The following UNC5D variants were observed in gnomAD, a reference collection of about 807,000 sequenced individuals.
UNC5D encodes netrin receptor UNC5D.
Under a neutral mutation model 105.4 loss-of-function variants are expected in UNC5D, and 39 were observed. That is an observed-to-expected ratio of 0.37 (90% CI 0.29 to 0.48). The LOEUF (loss-of-function observed/expected upper bound fraction) is 0.48. Ranked by LOEUF, UNC5D falls within the 20% of genes least tolerant of loss-of-function variation. The pLI is 0.98. For missense variants in UNC5D, 991 were observed against 1,202.4 expected (o/e 0.82, Z 2.60); for synonymous variants, 452 against 450.4 (o/e 1.00, Z -0.04).
Position 35,568,224 on chromosome 8 carries a change from C to T in UNC5D, c.449C>T (p.Ala150Val). The change falls in exon 3 of 17, where the codon GCC becomes GTC. Residue 150 changes from alanine to valine, a missense_variant. Ala to Val is a moderately conservative substitution (Grantham distance 64). Around this residue, in one of 3 missense-constraint regions of UNC5D, gnomAD observed 944 missense variants for 1,131.6 expected, o/e 0.83. Transcript: ENST00000404895. ...CTGGGTACCTCCAAGAGCAGGAAGG[C>T]CTCTGTGCGCATAGCCTGTAAGTAC... Reference protein sequence around the residue: ...SHLGTSKSRKASVRIAYLRKN... With the variant: ...SHLGTSKSRKVSVRIAYLRKN... 6.2e-7 allele frequency: 1 copy of T among 1,614,086 alleles called. No individual in the cohort carries two copies. The highest frequency in any genetic ancestry group is 1.1e-5 in the South Asian group (1 of 91,074).
At chr8:35,366,230 C>A (rs1802117008) in intron 1 of UNC5D, among the ~76,000 whole-genome samples, 1 of 151,854 alleles carries the variant, frequency 6.6e-6, no homozygotes. Flanking sequence ...CACATAGATT[C>A]CTATTTTTTC....
chr8:35,459,136 G>A (rs985993537), intron 1 of UNC5D, among the ~76,000 whole-genome samples: 4 of 152,086 alleles, frequency 2.6e-5, no homozygotes, highest in African/African-American at 9.7e-5. Flanking sequence ...CTCTTTTGTG[G>A]TATGAGGGGA....
intron 7 of UNC5D, among the ~76,000 whole-genome samples, chr8:35,705,255 T>C (rs946152510): frequency 2.6e-5 from 4 of 152,196 alleles, no homozygotes; most frequent in East Asian, 1.9e-4. Flanking sequence ...TGAGCCACCC[T>C]GCCCAACCTA....
At chr8:35,580,999 T>G (rs1045716091) in intron 3 of UNC5D, among the ~76,000 whole-genome samples, 2 of 152,216 alleles carry the variant, frequency 1.3e-5, no homozygotes, top group Non-Finnish European at 2.9e-5. Context: ...TATTCAGTTT[T>G]GTGCACTTTC....
intron 1 of UNC5D, among the ~76,000 whole-genome samples, chr8:35,248,175 T>G (rs184880178): frequency 0.036 from 1,032 of 28,362 alleles, 65 homozygotes; most frequent in Middle Eastern, 0.091. Context: ...TATTATATAA[T>G]ATATATAATA....
chr8:35,263,158 A>T (rs1182610923), intron 1 of UNC5D, among the ~76,000 whole-genome samples: 1 of 152,100 alleles, frequency 6.6e-6, no homozygotes, highest in East Asian at 1.9e-4. Flanking sequence ...CAGGCTGACA[A>T]ACTCCTATTT....
chr8:35,408,150 GTTA>G (rs543102352), intron 1 of UNC5D, among the ~76,000 whole-genome samples: 43 of 152,074 alleles, frequency 2.8e-4, no homozygotes, highest in Non-Finnish European at 3.5e-4. Flanking sequence ...AAAATATTAA[GTTA>G]TTAGTATTTG....
intron 1 of UNC5D, among the ~76,000 whole-genome samples, chr8:35,420,485 A>C (rs1037487533): frequency 6.6e-6 from 1 of 152,146 alleles, no homozygotes; most frequent in African/African-American, 2.4e-5. Context: ...TGTGTCTTGA[A>C]GTAAGCTCTG....
At chr8:35,702,245 C>G (rs936670038) in intron 7 of UNC5D, among the ~76,000 whole-genome samples, 1 of 151,922 alleles carries the variant, frequency 6.6e-6, no homozygotes, top group Non-Finnish European at 1.5e-5. Flanking sequence ...CTTCTGGGAC[C>G]ATTTATATAC....
intron 11 of UNC5D, among the ~76,000 whole-genome samples, chr8:35,744,043 T>G (rs1360051544): frequency 6.6e-6 from 1 of 151,466 alleles, no homozygotes; most frequent in African/African-American, 2.4e-5. Flanking sequence ...TTTGGTCTGC[T>G]TTCATCTGGA....
intron 13 of UNC5D, among the ~76,000 whole-genome samples, chr8:35,758,603 G>A (rs185486303): frequency 6.6e-6 from 1 of 152,034 alleles, no homozygotes; most frequent in Non-Finnish European, 1.5e-5. Context: ...CCACAAATTT[G>A]GAACCAATGA....
chr8:35,518,946 G>A (rs1813284963), intron 1 of UNC5D, among the ~76,000 whole-genome samples: 1 of 152,112 alleles, frequency 6.6e-6, no homozygotes, highest in Non-Finnish European at 1.5e-5. Context: ...AAGAGGTGGG[G>A]AATTTTTAAC....
chr8:35,765,932 TA>T (rs1276679803), intron 14 of UNC5D, among the ~76,000 whole-genome samples: 2 of 152,172 alleles, frequency 1.3e-5, no homozygotes, highest in East Asian at 3.9e-4. Context: ...ACCAGAGGCA[TA>T]TGTGGTCATT....
chr8:35,684,998 A>G (rs1408711957), intron 6 of UNC5D, among the ~76,000 whole-genome samples: 1 of 152,198 alleles, frequency 6.6e-6, no homozygotes, highest in Non-Finnish European at 1.5e-5. Flanking sequence ...CAATAAGCCA[A>G]TTGCTATGAA....
intron 3 of UNC5D, among the ~76,000 whole-genome samples, chr8:35,590,908 C>T (rs1819125699): frequency 6.6e-6 from 1 of 152,054 alleles, no homozygotes; most frequent in African/African-American, 2.4e-5. Context: ...AAGTTCATAC[C>T]ATTGGTTATG....
At chr8:35,437,905 G>A (rs1327549515) in intron 1 of UNC5D, among the ~76,000 whole-genome samples, 2 of 150,586 alleles carry the variant, frequency 1.3e-5, no homozygotes, top group African/African-American at 2.4e-5. Context: ...TAAACTGATT[G>A]GATTTCTCTC....
intron 1 of UNC5D, among the ~76,000 whole-genome samples, chr8:35,332,230 T>C (rs1346102783): frequency 6.6e-6 from 1 of 152,208 alleles, no homozygotes; most frequent in Non-Finnish European, 1.5e-5. Context: ...ATGTTTGATA[T>C]AGGTTGAGCT....
chr8:35,753,148 C>T (rs1440859815), intron 13 of UNC5D, among the ~76,000 whole-genome samples: 3 of 152,302 alleles, frequency 2.0e-5, no homozygotes, highest in South Asian at 4.1e-4. Context: ...AACACCATAA[C>T]CATAGCTTTT....
In UNC5D at chr8:35,630,065, CTTTG is replaced by C. The variant is rs1271401102; in HGVS notation, c.570+34413_570+34416del. Among the ~76,000 whole-genome samples the C allele has an allele frequency of 1.4e-4, 22 of 152,242 alleles. No homozygotes were observed. In the East Asian group the frequency reaches 2.1e-3, roughly 15 times the overall value. Reference sequence around the variant, plus strand: ...CATTGATATTTACGCATGGAAAAGACTTTGTTTGGCAAATCTTTTATTGTCTGGA... The same window carrying C: ...CATTGATATTTACGCATGGAAAAGACTTTGGCAAATCTTTTATTGTCTGGA... On this transcript the variant is annotated intron_variant, in intron 4 of 16. Transcript: ENST00000404895.
Sources: gnomAD v4.1 joint callset for allele counts (sites outside exome capture counted in the v4.1 genomes callset) on GRCh38, gnomAD v4.1.1 for gene constraint, gnomAD v4.1.1 regional missense constraint, MANE v1.5 for transcripts, NCBI Gene and HGNC (gene_info 2026-07-23, HGNC 2026-07-21) for gene names.